Variants in DNAH10 observed in about 807,000 individuals in gnomAD.
DNAH10 encodes dynein axonemal heavy chain 10.
A neutral mutation model predicts 506.6 loss-of-function variants in DNAH10; 348 were observed. That is an observed-to-expected ratio of 0.69 (90% CI 0.63 to 0.75). DNAH10 has a LOEUF of 0.75. DNAH10 is among the 30% of genes least tolerant of loss of function. The probability of loss-of-function intolerance (pLI) is 0.00; values close to 1 mark genes in which losing one functional copy is unlikely to be tolerated. For missense variants in DNAH10, 5,179 were observed against 5,787.1 expected, an observed-to-expected ratio of 0.89 and a Z score of 3.41; for synonymous variants, 2,059 against 2,198.6, an observed-to-expected ratio of 0.94 and a Z score of 1.78.
chr12:123,926,236 T>TA lies in DNAH10; in HGVS notation c.11922-401_11922-400insA, dbSNP rs1954934258. Among the ~76,000 whole-genome samples, 1 of 138,682 alleles carries TA rather than the reference T, an allele frequency of 7.2e-6. No individual in the cohort carries two copies. 91.0% of individuals were successfully genotyped at this position (138,682 alleles called of 152,430 possible). On this transcript the variant is annotated intron_variant, in intron 68 of 78. Coordinates refer to ENST00000673944, the MANE Select transcript of DNAH10 (RefSeq NM_001372106.1). This position sits in a 1 kb window ranked among gnomAD's most constrained non-coding sequence, Gnocchi z 4.1. ...ACAGAGTGAGATTATATATTTCAAT[T>TA]TAAAAAAAAAAAAAAAAAAGAAAAA...
At chr12:123,800,131 T>C in intron 14 of DNAH10, 85 bp from the exon 15 acceptor site, 1 of 1,403,664 alleles carries the variant, frequency 7.1e-7, no homozygotes, top group Non-Finnish European at 9.7e-7. Flanking sequence ...TTGATCTTTT[T>C]CATGTTCACT....
chr12:123,924,420 T>C lies in DNAH10; in HGVS notation c.11754T>C (p.Thr3918=). Residue 3918 remains threonine (T), a synonymous_variant, in exon 67 of 79, where the codon ACT becomes ACC. Coordinates refer to ENST00000673944, the MANE Select transcript of DNAH10 (RefSeq NM_001372106.1). ...CTGATGATGTTGAGAATAATCAGACTGTCTGGCAGGAGGTGAGCCCACGTT... is the reference window on the plus strand; with the variant it reads ...CTGATGATGTTGAGAATAATCAGACCGTCTGGCAGGAGGTGAGCCCACGTT... ...QLPDDVENNQ[T]VWQEWYDLDS... 1.2e-6 allele frequency: 2 copies of C among 1,612,940 alleles called. No homozygotes were observed. The highest frequency in any genetic ancestry group is 1.7e-6 in the Non-Finnish European group (2 of 1,179,090).
intron 46 of DNAH10, 89 bp from the exon 47 acceptor site, chr12:123,875,142 T>G: frequency 1.1e-5 from 16 of 1,451,404 alleles, no homozygotes; most frequent in South Asian, 1.4e-5. Context: ...ACGGGAAAAA[T>G]GAGCTTGAGC....
Position 123,785,922 on chromosome 12 carries a change from G to A in DNAH10, c.1407G>A (p.Leu469=). Residue 469 remains leucine (L), a synonymous_variant, in exon 9 of 79, where the codon CTG becomes CTA. Coordinates refer to ENST00000673944, the MANE Select transcript of DNAH10 (RefSeq NM_001372106.1). This position sits in a 1 kb window ranked among gnomAD's most constrained non-coding sequence, Gnocchi z 4.1. ...IAERVCRVVN[L]RTLFKENRAS... ...AGAGAGTCTGCCGAGTGGTCAACCT[G>A]CGGACTTTGTTCAAGTAAGAAGCCA... is the stretch of plus-strand genomic sequence containing the variant. 6.2e-7 allele frequency: 1 copy of A among 1,610,750 alleles called. No homozygotes were observed. Among genetic ancestry groups the A allele is most frequent in the Non-Finnish European group, 8.5e-7 (1 of 1,177,386 alleles).
chr12:123,934,577 T>C, intron 77 of DNAH10, 44 bp from the exon 78 acceptor site: 1 of 1,608,064 alleles, frequency 6.2e-7, no homozygotes, highest in South Asian at 1.1e-5. Flanking sequence ...CGTGGCAGGC[T>C]GTGCATGCTC....
rs1211234926 is a variant in DNAH10 at position 123,867,930 on chromosome 12, G to A, written c.7330G>A (p.Ala2444Thr). ...AACCCAGTTAGCCAAGATGTTGGAT[G>A]CGTTGCTAGAAGGAGAAATAGAAGA... ...MVTQLAKMLD[A>T]LLEGEIEDLD... The change falls in exon 43 of 79, where the codon GCG (alanine) becomes ACG (threonine). Residue 2444 changes from alanine (A) to threonine (T), a missense_variant. Ala to Thr is a moderately conservative substitution (Grantham distance 58). Coordinates refer to ENST00000673944, the MANE Select transcript of DNAH10 (RefSeq NM_001372106.1). The A allele has an allele frequency of 6.2e-7, 1 of 1,613,778 alleles. No homozygotes were observed. The highest frequency in any genetic ancestry group is 1.1e-5 in the South Asian group (1 of 90,994).
In DNAH10 at chr12:123,818,871, A is replaced by ATAC; in HGVS notation, c.3781-79_3781-78insTAC. 5.3e-6 allele frequency: 5 copies of ATAC among 937,718 alleles called. No homozygotes were observed. The South Asian group carries it at 7.6e-5, about 14-fold the overall frequency. 58.1% of individuals were successfully genotyped at this position (937,718 alleles called of 1,614,324 possible). The stretch of plus-strand genomic sequence containing the variant: ...GTTGCCACAAGCAGAAGTCCCTGGG[A>ATAC]GGTAACTTTGACCATCAATTTCAAT... On this transcript the variant is annotated intron_variant, in intron 21 of 78. Coordinates refer to ENST00000673944, the MANE Select transcript of DNAH10 (RefSeq NM_001372106.1).
chr12:123,856,250 A>G (rs1454769095), intron 36 of DNAH10, among the ~76,000 whole-genome samples: 4 of 148,320 alleles, frequency 2.7e-5, no homozygotes, highest in African/African-American at 9.8e-5. Flanking sequence ...TAATTTATAT[A>G]TAATTTTATA....
chr12:123,852,616 A>G (rs184230031), intron 35 of DNAH10, among the ~76,000 whole-genome samples: 8 of 149,778 alleles, frequency 5.3e-5, no homozygotes, highest in Non-Finnish European at 7.4e-5. Context: ...TCTGTCACCC[A>G]GGTTGGAGTG....
At chr12:123,779,791 C>T (rs1451782542) in intron 5 of DNAH10, among the ~76,000 whole-genome samples, 1 of 152,144 alleles carries the variant, frequency 6.6e-6, no homozygotes. Flanking sequence ...ATCCAACATT[C>T]TGGGTTCTTC....
At position 123,787,964 on chromosome 12, in the gene DNAH10, A is replaced by T; in HGVS notation, c.1582A>T (p.Met528Leu). ...GCGGCTGTTCGAGAGGACGGATTAT[A>T]TGGCCACCATCTGCCAGGACCTCTC... is the stretch of plus-strand genomic sequence containing the variant. The part of the protein sequence containing the change: ...RKRLFERTDY[M>L]ATICQDLSDV... Residue 528 changes from methionine to leucine, a missense_variant, in exon 10 of 79, where the codon ATG becomes TTG. Met to Leu is a conservative substitution (Grantham distance 15). Transcript: ENST00000673944. The surrounding 1 kb of genome is among the most constrained non-coding windows in gnomAD (Gnocchi z 4.6). 1 of 1,588,300 alleles carries T rather than the reference A, an allele frequency of 6.3e-7. No homozygotes were observed. Among genetic ancestry groups the T allele is most frequent in the Non-Finnish European group, 8.6e-7 (1 of 1,167,304 alleles).
intron 44 of DNAH10, 81 bp downstream of exon 44, chr12:123,870,566 G>T (rs1368639189): frequency 2.6e-6 from 4 of 1,518,658 alleles, no homozygotes; most frequent in East Asian, 2.4e-5. Flanking sequence ...AGATCCCATG[G>T]CTTCTCTGGT....
At chr12:123,935,185 G>A (rs1289002252) in intron 78 of DNAH10, 150 bp from the exon 79 acceptor site, 2 of 901,456 alleles carry the variant, frequency 2.2e-6, no homozygotes, top group African/African-American at 3.3e-5. Context: ...AGCTGGCGGA[G>A]GGTGGCCCTG....
At chr12:123,804,306 A>C (rs1958578320) in intron 17 of DNAH10, among the ~76,000 whole-genome samples, 1 of 152,128 alleles carries the variant, frequency 6.6e-6, no homozygotes, top group Non-Finnish European at 1.5e-5. Context: ...CAGGCAGATC[A>C]CAAGGTCAGG....
chr12:123,771,560 T>C, intron 2 of DNAH10, 41 bp from the exon 3 acceptor site: 1 of 1,569,664 alleles, frequency 6.4e-7, no homozygotes. Context: ...GGAAACCTAA[T>C]TTTCTGATTA....
At chr12:123,849,398 G>A (rs535439240) in intron 34 of DNAH10, among the ~76,000 whole-genome samples, 1 of 152,346 alleles carries the variant, frequency 6.6e-6, no homozygotes, top group East Asian at 1.9e-4. Context: ...GAATATGTTT[G>A]CAGACTTGAG....
Position 123,848,815 on chromosome 12 carries a change from T to C in DNAH10, c.6035T>C (p.Leu2012Pro). 6.2e-7 allele frequency: 1 copy of C among 1,613,850 alleles called. No individual in the cohort carries two copies. Among genetic ancestry groups the C allele is most frequent in the Non-Finnish European group, 8.5e-7 (1 of 1,179,856 alleles). ...TTTAATCGAATCGATGCTTCTGTGC[T>C]CTCCGTGATCTCCTCCCAGATCCAG... The part of the protein sequence containing the change: ...DEFNRIDASV[L>P]SVISSQIQTI... Residue 2012 changes from leucine to proline, a missense_variant, in exon 34 of 79, where the codon CTC (leucine) becomes CCC (proline). Leu to Pro is a moderately conservative substitution (Grantham distance 98, BLOSUM62 -3). Around this residue, in one of 3 missense-constraint regions of DNAH10, gnomAD observed 4,844 missense variants for 5,430.5 expected, o/e 0.89. Transcript: ENST00000673944.
chr12:123,848,160 A>G, intron 33 of DNAH10, 65 bp downstream of exon 33: 1 of 1,550,110 alleles, frequency 6.5e-7, no homozygotes, highest in Non-Finnish European at 8.7e-7. Flanking sequence ...AGGACATGGC[A>G]TTTCACCTCC....
chr12:123,875,027 A>AG (rs1952195972), intron 46 of DNAH10, among the ~76,000 whole-genome samples: 1 of 152,192 alleles, frequency 6.6e-6, no homozygotes, highest in Non-Finnish European at 1.5e-5. Flanking sequence ...AAGCTGTAGT[A>AG]TCGTAAGGGA....
Sources: allele counts gnomAD v4.1 joint callset (sites outside exome capture counted in the v4.1 genomes callset), GRCh38; gene constraint gnomAD v4.1.1; regional missense constraint gnomAD v4.1.1; non-coding constraint Gnocchi (gnomAD v3.1); transcripts MANE v1.5; gene names NCBI Gene and HGNC (gene_info 2026-07-23, HGNC 2026-07-21).